The following PIGN variants were observed in gnomAD, a reference collection of about 807,000 sequenced individuals.
PIGN encodes phosphatidylinositol glycan anchor biosynthesis class N.
PIGN carries 117 observed loss-of-function variants against 125.4 expected under a neutral mutation model. The ratio of observed to expected loss-of-function variants is 0.93; its 90% CI spans 0.80 to 1.09. The LOEUF (loss-of-function observed/expected upper bound fraction) is 1.09, where lower values mean the gene tolerates loss of function less well. PIGN is among the 50% of genes least tolerant of loss of function. The probability of loss-of-function intolerance (pLI) is 0.00; values close to 1 mark genes in which losing one functional copy is unlikely to be tolerated. For missense variants in PIGN, 1,075 were observed against 1,094.9 expected (o/e 0.98, Z 0.26); for synonymous variants, 392 against 377.8 (o/e 1.04, Z -0.44).
intron 9 of PIGN, among the ~76,000 whole-genome samples, 183 bp from the exon 10 acceptor site, chr18:62,146,208 A>G (rs989101047): frequency 1.3e-5 from 2 of 152,234 alleles, no homozygotes; most frequent in African/African-American, 2.4e-5. Context: ...AAAGCAAGTT[A>G]GAGAAACAAC....
At chr18:62,176,107 C>T (rs2037516639) in intron 1 of PIGN, among the ~76,000 whole-genome samples, 1 of 151,878 alleles carries the variant, frequency 6.6e-6, no homozygotes. Flanking sequence ...AAAAGAGTAT[C>T]TAAAATTCCA....
chr18:62,090,896 T>C (rs2033923527), intron 23 of PIGN, among the ~76,000 whole-genome samples: 1 of 152,008 alleles, frequency 6.6e-6, no homozygotes, highest in African/African-American at 2.4e-5. Context: ...AGATAATTCT[T>C]GAGGTAAAAT....
At chr18:62,162,549 T>A (rs2036992755) in intron 2 of PIGN, 1 of 151,982 alleles carries the variant, frequency 6.6e-6, no homozygotes. Flanking sequence ...AAAACACTCA[T>A]CAAAGTCAAG....
rs917685808 is a variant in PIGN, at chr18:62,147,068, A to G, written c.708T>C (p.Asp236=). ...ACATAGACACGATTTCTTTAACTCCATCATCAACTTTTTTAATATTGTGCT... is the reference window on the plus strand; with the variant it reads ...ACATAGACACGATTTCTTTAACTCCGTCATCAACTTTTTTAATATTGTGCT... ...DYKHNIKKVD[D]GVKEIVSMFN... Residue 236 remains aspartate, a synonymous_variant, in exon 9 of 31, where the codon GAT becomes GAC. Transcript: ENST00000640252. 2.5e-6 allele frequency: 4 copies of G among 1,606,358 alleles called. No individual in the cohort carries two copies.
At chr18:62,086,083 T>G (rs925191030) in intron 25 of PIGN, among the ~76,000 whole-genome samples, 1 of 152,166 alleles carries the variant, frequency 6.6e-6, no homozygotes, top group African/African-American at 2.4e-5. Context: ...GTCTAGTAGA[T>G]GTCAGAGACA....
intron 29 of PIGN, among the ~76,000 whole-genome samples, chr18:62,073,499 G>A (rs2033006575): frequency 6.6e-6 from 1 of 152,144 alleles, no homozygotes; most frequent in Non-Finnish European, 1.5e-5. Context: ...ATGAGCAGAA[G>A]TTATATCACA....
intron 23 of PIGN, among the ~76,000 whole-genome samples, chr18:62,021,981 C>CTATTAT (rs1004612132): frequency 5.9e-5 from 9 of 151,840 alleles, no homozygotes; most frequent in East Asian, 1.9e-4. Flanking sequence ...TTAGTAGTAG[C>CTATTAT]TATTATTATT....
At chr18:62,114,230 C>T (rs1052823326) in intron 15 of PIGN, among the ~76,000 whole-genome samples, 15 of 151,920 alleles carry the variant, frequency 9.9e-5, no homozygotes, top group African/African-American at 3.1e-4. Flanking sequence ...GGTGTTGTGG[C>T]GCATGCCTGT....
intron 14 of PIGN, among the ~76,000 whole-genome samples, chr18:62,125,493 C>T (rs1252533193): frequency 6.6e-6 from 1 of 151,856 alleles, no homozygotes; most frequent in Non-Finnish European, 1.5e-5. Flanking sequence ...AGGATGAATA[C>T]CTTGGGGCAA....
intron 30 of PIGN, among the ~76,000 whole-genome samples, chr18:62,065,104 CTT>C (rs1040058948): frequency 7.2e-5 from 11 of 152,154 alleles, no homozygotes; most frequent in Non-Finnish European, 1.3e-4. Flanking sequence ...AAGGCGTTTT[CTT>C]TTTCTTTCTC....
intron 14 of PIGN, chr18:62,136,259 A>T (rs2035928612): frequency 6.6e-6 from 1 of 152,178 alleles, no homozygotes; most frequent in Non-Finnish European, 1.5e-5. Context: ...TCCTAATTTC[A>T]TTTTATTTTT....
chr18:62,163,227 C>T (rs1477178683), intron 2 of PIGN, among the ~76,000 whole-genome samples: 3 of 152,084 alleles, frequency 2.0e-5, no homozygotes, highest in Admixed American at 1.3e-4. Context: ...AGATTTTAGA[C>T]ATTAGACCTT....
intron 27 of PIGN, 107 bp from the exon 28 acceptor site, chr18:62,082,853 CTT>C: frequency 3.0e-6 from 2 of 657,628 alleles, no homozygotes; most frequent in Non-Finnish European, 5.4e-6. Context: ...TCTCAAGTAA[CTT>C]TTATATATAC....
chr18:62,124,129 A>C (rs916649641), intron 14 of PIGN, among the ~76,000 whole-genome samples: 8 of 152,164 alleles, frequency 5.3e-5, no homozygotes, highest in African/African-American at 1.4e-4. Context: ...TCTTAACAAT[A>C]AAAACTGACT....
At chr18:62,103,017 C>G (rs2034505373) in intron 20 of PIGN, 115 bp from the exon 21 acceptor site, 1 of 470,422 alleles carries the variant, frequency 2.1e-6, no homozygotes, top group Admixed American at 4.3e-5. Context: ...TTGGCTTAAT[C>G]AAGAGGAAGT....
Position 62,161,225 on chromosome 18 carries a change from C to A in PIGN, c.129G>T (p.Ala43=). The change falls in exon 4 of 31, where the codon GCG becomes GCT. Residue 43 remains alanine, a synonymous_variant. Coordinates refer to ENST00000640252, the MANE Select transcript of PIGN (RefSeq NM_176787.5). ...TPQFTPLPPP[A]RRLVLFVADG... ...CAGCAACAAACAACACTAATCTTCTCGCTGGAGGAGGCAATGGTGTAAACT... is the reference window on the plus strand; with the variant it reads ...CAGCAACAAACAACACTAATCTTCTAGCTGGAGGAGGCAATGGTGTAAACT... 6.2e-7 allele frequency: 1 copy of A among 1,613,776 alleles called. No homozygotes were observed. The highest frequency in any genetic ancestry group is 8.5e-7 in the Non-Finnish European group (1 of 1,179,786).
At chr18:62,136,100 A>G (rs939024620) in intron 14 of PIGN, 2 of 152,206 alleles carry the variant, frequency 1.3e-5, no homozygotes, top group African/African-American at 4.8e-5. Flanking sequence ...GAACATTTAT[A>G]TATTCCTCAG....
chr18:62,136,873 G>T (rs1336037133), intron 14 of PIGN: 1 of 389,084 alleles, frequency 2.6e-6, no homozygotes, highest in Non-Finnish European at 4.5e-6. Context: ...CTTTCCTGAT[G>T]CAAGGAAAAC....
chr18:62,035,763 G>A, intron 23 of PIGN, among the ~76,000 whole-genome samples: 1 of 150,960 alleles, frequency 6.6e-6, no homozygotes, highest in Non-Finnish European at 1.5e-5. Context: ...ACCTATGAGT[G>A]AGAACATGCG....
Sources: allele counts gnomAD v4.1 joint callset (sites outside exome capture counted in the v4.1 genomes callset), GRCh38; gene constraint gnomAD v4.1.1; transcripts MANE v1.5; gene names NCBI Gene and HGNC (gene_info 2026-07-23, HGNC 2026-07-21).